The following U2AF1L4 variants were observed in gnomAD, a reference collection of about 807,000 sequenced individuals.
U2AF1L4 encodes the protein U2 small nuclear RNA auxiliary factor 1 like 4, also known as splicing factor U2AF 26 kDa subunit.
In U2AF1L4, 21 loss-of-function variants were observed where a neutral mutation model predicts 21.7. That is an observed-to-expected ratio of 0.97 (90% CI 0.69 to 1.39). The LOEUF (loss-of-function observed/expected upper bound fraction) is 1.39, where lower values mean the gene tolerates loss of function less well. Ranked by LOEUF, U2AF1L4 falls within the 40% of genes most tolerant of loss-of-function variation. U2AF1L4 has a pLI of 0.00. For synonymous variants in U2AF1L4, 92 were observed against 89.7 expected (o/e 1.03, Z -0.15); for missense variants, 259 against 245.7 (o/e 1.05, Z -0.36).
Position 35,745,379 on chromosome 19 carries a change from A to C in U2AF1L4, c.13T>G (p.Leu5Val), listed in dbSNP as rs1363319042. 3.1e-6 allele frequency: 5 copies of C among 1,613,882 alleles called. No homozygotes were observed. In the African/African-American group the frequency reaches 6.7e-5, roughly 22 times the overall value. Reference protein sequence around the residue: MAEYLASIFGTEKDK... With the variant: MAEYVASIFGTEKDK... Reference sequence around the variant, plus strand: ...TTCTCAGTCCCGAATATCGAAGCTAAATATTCAGCCATTTTTACCCAAGCC... The same window carrying C: ...TTCTCAGTCCCGAATATCGAAGCTACATATTCAGCCATTTTTACCCAAGCC... The change falls in exon 1 of 6, where the codon TTA becomes GTA. Residue 5 changes from leucine to valine, a missense_variant. Physicochemically the swap from Leu to Val is conservative, Grantham distance 32 (BLOSUM62 1). Transcript: ENST00000378975.
At chr19:35,744,493 C>G (rs770833169) in intron 2 of U2AF1L4, 72 bp from the exon 3 acceptor site, 19 of 1,612,398 alleles carry the variant, frequency 1.2e-5, no homozygotes, top group East Asian at 2.2e-5. Context: ...ACCCTCACCT[C>G]GAAGAAGCTA....
At position 35,745,116 on chromosome 19, in the gene U2AF1L4, G is replaced by A. The variant is rs777938870; in HGVS notation, c.132+9C>T. The A allele has an allele frequency of 3.7e-6, 6 of 1,612,112 alleles. No homozygotes were observed. Among genetic ancestry groups the A allele is most frequent in the South Asian group, 1.1e-5 (1 of 91,050 alleles). ...CCGTTAACCCCCGAGGCTCCGTGCC[G>A]GGTCTCACCTGGCTGAATGTCGGCT... On this transcript the variant is annotated intron_variant, in intron 2 of 5. Coordinates refer to ENST00000378975, the MANE Select transcript of U2AF1L4 (RefSeq NM_001040425.3).
intron 2 of U2AF1L4, chr19:35,744,622 T>G: frequency 6.5e-7 from 1 of 1,536,802 alleles, no homozygotes; most frequent in Non-Finnish European, 8.7e-7. Context: ...GGTCCCTTAC[T>G]CACAGTGTGA....
At chr19:35,743,373 C>CAAAAAA (rs536755635) in intron 5 of U2AF1L4, 9 of 78,290 alleles carry the variant, frequency 1.1e-4, no homozygotes, top group South Asian at 2.6e-4. Context: ...AACTCCGTCT[C>CAAAAAA]AAAAAAAAAA....
intron 2 of U2AF1L4, chr19:35,744,677 T>A (rs2146513881): frequency 6.5e-7 from 1 of 1,536,180 alleles, no homozygotes; most frequent in Non-Finnish European, 8.7e-7. Flanking sequence ...CGGTACAGGT[T>A]GAGCAGCACT....
intron 2 of U2AF1L4, 73 bp from the exon 3 acceptor site, chr19:35,744,494 G>A (rs1189166754): frequency 6.2e-7 from 1 of 1,608,472 alleles, no homozygotes; most frequent in South Asian, 1.1e-5. Flanking sequence ...CCCTCACCTC[G>A]AAGAAGCTAT....
At chr19:35,745,323 G>A (rs375486368) in intron 1 of U2AF1L4, 25 bp downstream of exon 1, 3 of 1,598,168 alleles carry the variant, frequency 1.9e-6, no homozygotes, top group African/African-American at 1.3e-5. Flanking sequence ...CCCCCCGAGA[G>A]TCCACTCCCA....
downstream of U2AF1L4, chr19:35,742,488 T>G (rs1481302413): frequency 6.4e-7 from 1 of 1,570,592 alleles, no homozygotes; most frequent in Non-Finnish European, 8.6e-7. Flanking sequence ...TCGTCACATG[T>G]GTGGGTGGAG....
chr19:35,742,651 G>T lies in U2AF1L4; in HGVS notation c.*68C>A, dbSNP rs748924485. ...AGGATGGGGCAGGAGAGTGAAGGGGGCTTTGAGGAGAGGTCCTGCCAGGAA... is the reference window on the plus strand; with the variant it reads ...AGGATGGGGCAGGAGAGTGAAGGGGTCTTTGAGGAGAGGTCCTGCCAGGAA... On this transcript the variant is annotated 3_prime_UTR_variant, in exon 6 of 6. Coordinates refer to ENST00000378975, the MANE Select transcript of U2AF1L4 (RefSeq NM_001040425.3). 2 of 1,613,488 alleles carry T rather than the reference G, an allele frequency of 1.2e-6. No homozygotes were observed. The highest frequency in any genetic ancestry group is 1.1e-5 in the South Asian group (1 of 91,078).
intron 2 of U2AF1L4, 175 bp from the exon 3 acceptor site, chr19:35,744,596 C>G: frequency 6.5e-7 from 1 of 1,539,512 alleles, no homozygotes; most frequent in Non-Finnish European, 8.7e-7. Flanking sequence ...GGGCTGTTCA[C>G]CTTGCCCCCA....
In U2AF1L4 at chr19:35,742,838, C is replaced by T. The variant is rs191309916; in HGVS notation, c.462-35G>A. 4.0e-5 allele frequency: 64 copies of T among 1,583,164 alleles called. No individual in the cohort carries two copies. The African/African-American group carries it at 7.4e-4, about 18-fold the overall frequency. ...GGAGCGTTGAGAGTTCTGTTAGAAC[C>T]CTGAGGAGTGGTGCAGAGATCCTGC... On this transcript the variant is annotated intron_variant, in intron 5 of 5. Coordinates refer to ENST00000378975, the MANE Select transcript of U2AF1L4 (RefSeq NM_001040425.3).
chr19:35,744,997 A>G (rs927835374), intron 2 of U2AF1L4, 128 bp downstream of exon 2: 9 of 947,624 alleles, frequency 9.5e-6, no homozygotes, highest in Admixed American at 5.4e-5. Flanking sequence ...GAAAGGTCCA[A>G]TGAGAAAAAA....
rs933246422 is a variant in U2AF1L4, at chr19:35,743,780, G to A, written c.461+29C>T. 5.0e-6 allele frequency: 8 copies of A among 1,588,972 alleles called. No individual in the cohort carries two copies. In the Admixed American group the frequency reaches 1.0e-4, roughly 21 times the overall value. ...AGGATATAGGGGCCTTAGGACATGA[G>A]GAGACATAGCAGGCTGGTCCTGAGG... is the stretch of plus-strand genomic sequence containing the variant. On this transcript the variant is annotated intron_variant, in intron 5 of 5. Coordinates refer to ENST00000378975, the MANE Select transcript of U2AF1L4 (RefSeq NM_001040425.3).
rs1568397874 is a variant in U2AF1L4 at position 35,744,418 on chromosome 19, C to A, written c.136G>T (p.Val46Leu). 3 of 1,614,192 alleles carry A rather than the reference C, an allele frequency of 1.9e-6. No homozygotes were observed. The highest frequency in any genetic ancestry group is 2.5e-6 in the Non-Finnish European group (3 of 1,180,036). The change falls in exon 3 of 6, where the codon GTG becomes TTG. Residue 46 changes from valine (V) to leucine (L), a missense_variant. Val to Leu is a conservative substitution (Grantham distance 32). Coordinates refer to ENST00000378975, the MANE Select transcript of U2AF1L4 (RefSeq NM_001040425.3). ...TACTTCTCCTGCAGTTCTGTGAACA[C>A]CTCCTGTGGAAGACGGGGAGGAACT... The part of the protein sequence containing the change: ...LHNKPTFSQE[V>L]FTELQEKYGE...
chr19:35,742,682 G>A lies in U2AF1L4; in HGVS notation c.*37C>T. 2.5e-6 allele frequency: 4 copies of A among 1,612,836 alleles called. No homozygotes were observed. The highest frequency in any genetic ancestry group is 3.4e-6 in the Non-Finnish European group (4 of 1,179,768). On this transcript the variant is annotated 3_prime_UTR_variant, in exon 6 of 6. Coordinates refer to ENST00000378975, the MANE Select transcript of U2AF1L4 (RefSeq NM_001040425.3). ...AGGAGAGGTCCTGCCAGGAACATCTGTCCCTGTTGGGGGTGAAGGGTAAGG... is the reference window on the plus strand; with the variant it reads ...AGGAGAGGTCCTGCCAGGAACATCTATCCCTGTTGGGGGTGAAGGGTAAGG...
intron 5 of U2AF1L4, chr19:35,743,155 C>A (rs1970349940): frequency 3.1e-6 from 1 of 323,270 alleles, no homozygotes; most frequent in Non-Finnish European, 5.8e-6. Context: ...GGTGGATTAC[C>A]TGAGGTCCGG....
At chr19:35,743,186 AACGT>A in intron 5 of U2AF1L4, 1 of 302,510 alleles carries the variant, frequency 3.3e-6, no homozygotes, top group Non-Finnish European at 6.3e-6. Flanking sequence ...CAGGCTGGCC[AACGT>A]GGTGAAACCC....
chr19:35,743,834 G>A lies in U2AF1L4; in HGVS notation c.436C>T (p.Leu146Phe). 1 of 1,612,964 alleles carries A rather than the reference G, an allele frequency of 6.2e-7. No individual in the cohort carries two copies. Among genetic ancestry groups the A allele is most frequent in the Non-Finnish European group, 8.5e-7 (1 of 1,179,518 alleles). Residue 146 changes from leucine (L) to phenylalanine (F), a missense_variant, in exon 5 of 6, where the codon CTC becomes TTC. Leu to Phe is a conservative substitution (Grantham distance 22, BLOSUM62 0). Transcript: ENST00000378975. ...CTGCGCCTGGGTCCCCGCCCATAGAGCTGCCTCTGGAGGTTCTGGGAAATG... is the reference window on the plus strand; with the variant it reads ...CTGCGCCTGGGTCCCCGCCCATAGAACTGCCTCTGGAGGTTCTGGGAAATG... ...RPISQNLQRQ[L>F]YGRGPRRRSP...
In U2AF1L4 at chr19:35,744,411, G is replaced by C. The variant is rs1599729153; in HGVS notation, c.143C>G (p.Thr48Arg). The C allele has an allele frequency of 6.2e-7, 1 of 1,614,162 alleles. No homozygotes were observed. ...CTCCCCATACTTCTCCTGCAGTTCT[G>C]TGAACACCTCCTGTGGAAGACGGGG... ...NKPTFSQEVF[T>R]ELQEKYGEIE... is the part of the protein sequence containing the mutation. The change falls in exon 3 of 6, where the codon ACA becomes AGA. Residue 48 changes from threonine (T) to arginine (R), a missense_variant. Physicochemically the swap from Thr to Arg is moderately conservative, Grantham distance 71. Coordinates refer to ENST00000378975, the MANE Select transcript of U2AF1L4 (RefSeq NM_001040425.3).
Sources: allele counts gnomAD v4.1 joint callset, GRCh38; gene constraint gnomAD v4.1.1; transcripts MANE v1.5; gene names NCBI Gene and HGNC (gene_info 2026-07-23, HGNC 2026-07-21).